Variants in KAZN observed in about 807,000 individuals in gnomAD.
KAZN encodes the protein kazrin, periplakin interacting protein.
In KAZN, 40 loss-of-function variants were observed where a neutral mutation model predicts 87.4. The observed-to-expected ratio is 0.46, with a 90% CI of 0.36 to 0.60. The LOEUF (loss-of-function observed/expected upper bound fraction) is 0.60. Among genes scored for constraint, KAZN ranks in the 20% least tolerant of loss-of-function variants. KAZN has a pLI of 0.00. For missense variants in KAZN, 898 were observed against 1,073.9 expected, an observed-to-expected ratio of 0.84 and a Z score of 2.29; for synonymous variants, 466 against 458.3, an observed-to-expected ratio of 1.02 and a Z score of -0.22.
At position 14,735,205 on chromosome 1, in the gene KAZN, A is replaced by G. The variant is rs1264371986; in HGVS notation, c.226+135982A>G. On this transcript the variant is annotated intron_variant, in intron 1 of 14. Coordinates refer to ENST00000376030, the MANE Select transcript of KAZN (RefSeq NM_201628.3). The surrounding 1 kb of genome is among the most constrained non-coding windows in gnomAD (Gnocchi z 4.3). The stretch of plus-strand genomic sequence containing the variant: ...CTCAGGAGCAGCTGGGACTACAGGC[A>G]CCCGCCACCATGCCCGGCTAATTTT... Among the ~76,000 whole-genome samples the G allele has an allele frequency of 5.9e-5, 9 of 152,000 alleles. No individual in the cohort carries two copies. The highest frequency in any genetic ancestry group is 1.3e-4 in the Admixed American group (2 of 15,260).
chr1:14,481,523 A>C (rs1669083669), intron 2 of KAZN, among the ~76,000 whole-genome samples: 1 of 152,194 alleles, frequency 6.6e-6, no homozygotes, highest in Non-Finnish European at 1.5e-5. Flanking sequence ...TAGCCCTCAT[A>C]CATGATTCCT....
At position 14,106,222 on chromosome 1, in the gene KAZN, AC is replaced by A. The variant is rs1281378478; in HGVS notation, c.92-74212del. On this transcript the variant is annotated intron_variant, in intron 1 of 16. Transcript: ENST00000636203. ...ATCTGAGGGTTCTCCAAAGCCCCCAACAGAACCCAACACAGCTCTGACTAAA... is the reference window on the plus strand; with the variant it reads ...ATCTGAGGGTTCTCCAAAGCCCCCAAAGAACCCAACACAGCTCTGACTAAA... Among the ~76,000 whole-genome samples the A allele has an allele frequency of 4.6e-5, 7 of 152,276 alleles. No homozygotes were observed. In the East Asian group the frequency reaches 1.4e-3, roughly 29 times the overall value.
intron 1 of KAZN, among the ~76,000 whole-genome samples, chr1:14,087,754 G>A (rs1310301612): frequency 6.6e-6 from 1 of 151,832 alleles, no homozygotes; most frequent in African/African-American, 2.4e-5. Flanking sequence ...TGAATTACAT[G>A]GATTAATTTT....
chr1:14,437,324 G>A (rs142221506), intron 2 of KAZN, among the ~76,000 whole-genome samples: 6 of 152,330 alleles, frequency 3.9e-5, no homozygotes, highest in Admixed American at 3.9e-4. Context: ...CAGCAATGAG[G>A]AGCATTTTCA....
chr1:14,927,614 T>C (rs1197642943), intron 1 of KAZN, among the ~76,000 whole-genome samples: 1 of 152,182 alleles, frequency 6.6e-6, no homozygotes, highest in Admixed American at 6.5e-5. Context: ...TAAGCCATTT[T>C]TAAAAGGTGG....
intron 1 of KAZN, among the ~76,000 whole-genome samples, chr1:14,893,905 G>A (rs1654986599): frequency 1.3e-5 from 2 of 152,116 alleles, no homozygotes; most frequent in South Asian, 2.1e-4. Context: ...ATTTTTAGCC[G>A]AAAAGAAGAC....
intron 1 of KAZN, among the ~76,000 whole-genome samples, chr1:14,880,756 T>C (rs1653251300): frequency 6.6e-6 from 1 of 152,176 alleles, no homozygotes; most frequent in Admixed American, 6.5e-5. Context: ...AGAGCATAGA[T>C]TTGTGCATTC....
In KAZN at chr1:14,312,326, C is replaced by T. The variant is rs1043242497; in HGVS notation, c.249+131734C>T. On this transcript the variant is annotated intron_variant, in intron 2 of 16. Coordinates refer to the KAZN transcript ENST00000636203. ...AATATCTTTTAAATAACAATAATAA[C>T]AATTAAAGCTGTGCACTTACCTTCT... Among the ~76,000 whole-genome samples, 5 of 152,244 alleles carry T rather than the reference C, an allele frequency of 3.3e-5. No homozygotes were observed. In the East Asian group the frequency reaches 7.7e-4, roughly 23 times the overall value.
At chr1:14,175,049 G>A (rs1489429951) in intron 1 of KAZN, among the ~76,000 whole-genome samples, 1 of 152,198 alleles carries the variant, frequency 6.6e-6, no homozygotes, top group Non-Finnish European at 1.5e-5. Flanking sequence ...GTAGGCATTG[G>A]TTTAGAGAGG....
intron 2 of KAZN, among the ~76,000 whole-genome samples, chr1:14,198,270 G>A (rs767401934): frequency 6.6e-6 from 1 of 152,170 alleles, no homozygotes; most frequent in Non-Finnish European, 1.5e-5. Flanking sequence ...TTTTACAGAT[G>A]TTTTAGGTTA....
intron 1 of KAZN, among the ~76,000 whole-genome samples, chr1:14,719,581 G>A (rs948649453): frequency 6.6e-6 from 1 of 152,252 alleles, no homozygotes; most frequent in East Asian, 1.9e-4. Flanking sequence ...GCTCACACTT[G>A]TAATCCGAGC....
At chr1:14,341,815 T>A (rs183386076) in intron 2 of KAZN, among the ~76,000 whole-genome samples, 1 of 152,224 alleles carries the variant, frequency 6.6e-6, no homozygotes, top group African/African-American at 2.4e-5. Flanking sequence ...TCTTTAAGCC[T>A]ATTCTGAAAA....
At chr1:14,075,703 CACCT>C (rs1181894625) in intron 1 of KAZN, among the ~76,000 whole-genome samples, 1 of 152,124 alleles carries the variant, frequency 6.6e-6, no homozygotes, top group Admixed American at 6.5e-5. Context: ...GTTCCGAAGC[CACCT>C]ACCCAAGACA....
intron 1 of KAZN, among the ~76,000 whole-genome samples, chr1:14,069,060 G>C (rs1434910807): frequency 3.3e-5 from 5 of 152,182 alleles, no homozygotes; most frequent in Non-Finnish European, 5.9e-5. Flanking sequence ...GCCTCGCAAA[G>C]TGTTGGGATT....
intron 1 of KAZN, among the ~76,000 whole-genome samples, chr1:13,946,478 G>A (rs113852470): frequency 4.6e-5 from 7 of 152,174 alleles, no homozygotes; most frequent in African/African-American, 1.7e-4. Context: ...GAAGTCTGCC[G>A]ACACCGTGAT....
At chr1:14,449,136 C>T (rs548153005) in intron 2 of KAZN, among the ~76,000 whole-genome samples, 1 of 152,262 alleles carries the variant, frequency 6.6e-6, no homozygotes, top group South Asian at 2.1e-4. Flanking sequence ...TGATTAGCTC[C>T]CATAACTAGA....
chr1:14,465,398 CA>C (rs71572107), intron 2 of KAZN, among the ~76,000 whole-genome samples: 161 of 84,794 alleles, frequency 1.9e-3, no homozygotes, highest in Admixed American at 0.01. Flanking sequence ...GACTCTGTCT[CA>C]AAAAAAAAAA....
At chr1:14,778,620 A>C (rs1268257776) in intron 1 of KAZN, among the ~76,000 whole-genome samples, 1 of 152,042 alleles carries the variant, frequency 6.6e-6, no homozygotes, top group African/African-American at 2.4e-5. Flanking sequence ...CCTCATCTCC[A>C]CAAGATCCTC....
chr1:14,300,341 C>T (rs1654458456), intron 2 of KAZN, among the ~76,000 whole-genome samples: 1 of 152,090 alleles, frequency 6.6e-6, no homozygotes, highest in African/African-American at 2.4e-5. Context: ...AAGTGATCCT[C>T]CCACATCAGC....
Sources: gnomAD v4.1 joint callset for allele counts (sites outside exome capture counted in the v4.1 genomes callset) on GRCh38, gnomAD v4.1.1 for gene constraint, Gnocchi (gnomAD v3.1) non-coding constraint, MANE v1.5 for transcripts, NCBI Gene and HGNC (gene_info 2026-07-23, HGNC 2026-07-21) for gene names.